The following SHANK2 variants were observed in gnomAD, a reference collection of about 807,000 sequenced individuals.
SHANK2 encodes SH3 and multiple ankyrin repeat domains protein 2.
A neutral mutation model predicts 133.7 loss-of-function variants in SHANK2; 43 were observed. The observed-to-expected ratio is 0.32, with a 90% CI of 0.25 to 0.41. The LOEUF (loss-of-function observed/expected upper bound fraction) is 0.41, where lower values mean the gene tolerates loss of function less well. SHANK2 is among the 10% of genes least tolerant of loss of function. The probability of loss-of-function intolerance (pLI) is 1.00; values close to 1 mark genes in which losing one functional copy is unlikely to be tolerated. For missense variants in SHANK2, 1,994 were observed against 2,235.8 expected, an observed-to-expected ratio of 0.89 and a Z score of 2.18; for synonymous variants, 1,017 against 952.8, an observed-to-expected ratio of 1.07 and a Z score of -1.24.
In SHANK2 at chr11:71,224,815, A is replaced by G. The variant is rs1954614279; in HGVS notation, c.-112-19T>C. On this transcript the variant is annotated intron_variant, in intron 1 of 25. Coordinates refer to ENST00000601538, the MANE Select transcript of SHANK2 (RefSeq NM_012309.5). ...TCCAGACCTGTGGAGAGATAATGAG[A>G]CCGGGGCATGGTCAGACACAGACTG... is the stretch of plus-strand genomic sequence containing the variant. 2 of 152,162 alleles carry G rather than the reference A, an allele frequency of 1.3e-5. No individual in the cohort carries two copies. The highest frequency in any genetic ancestry group is 1.3e-4 in the Admixed American group (2 of 15,264). The allele number at this position is 152,162 out of a possible 1,614,324, so 9.4% of individuals were successfully genotyped here.
At chr11:70,903,413 A>AATAAC (rs1424280760) in intron 10 of SHANK2, among the ~76,000 whole-genome samples, 4 of 145,584 alleles carry the variant, frequency 2.7e-5, no homozygotes, top group Admixed American at 2.7e-4. Context: ...AATAAAATAA[A>AATAAC]ATAAAATAAA....
rs1278770888 is a variant in SHANK2 at position 71,086,330 on chromosome 11, A to G, written c.912+6092T>C. On this transcript the variant is annotated intron_variant, in intron 8 of 25. Transcript: ENST00000601538. ...TAAGATATAGTATATGTTATATTAT[A>G]TATGTTATATAAGATATAGTATATG... Among the ~76,000 whole-genome samples the G allele has an allele frequency of 1.3e-3, 155 of 120,890 alleles. 1 individual carries two copies. The highest frequency in any genetic ancestry group is 5.1e-3 in the African/African-American group (151 of 29,628). The allele number at this position is 120,890 out of a possible 152,430, so 79.3% of individuals were successfully genotyped here. A position where few individuals can be genotyped will look rare whatever the true frequency, so the allele number is the denominator to read the frequency against.
At chr11:71,136,923 C>A (rs11232209) in intron 3 of SHANK2, among the ~76,000 whole-genome samples, 1 of 152,180 alleles carries the variant, frequency 6.6e-6, no homozygotes, top group South Asian at 2.1e-4. Flanking sequence ...AGTGCAGTGG[C>A]GCGATCTCCA....
chr11:70,927,423 C>G (rs1305386387), intron 10 of SHANK2, among the ~76,000 whole-genome samples: 1 of 152,056 alleles, frequency 6.6e-6, no homozygotes, highest in Non-Finnish European at 1.5e-5. Context: ...ACAGGAGACT[C>G]AGCTTGTTCT....
In SHANK2 at chr11:70,643,929, AAC is replaced by A. The variant is rs782649796; in HGVS notation, c.2061+15897_2061+15898del. Among the ~76,000 whole-genome samples, 19 of 151,450 alleles carry A rather than the reference AAC, an allele frequency of 1.3e-4. No homozygotes were observed. In the South Asian group the frequency reaches 3.6e-3, roughly 29 times the overall value. The stretch of plus-strand genomic sequence containing the variant: ...GGACTGCAGGTGGAGGGGGGGGAGG[AAC>A]ACAGAGGGGCAGAGGAGATCTGGGG... On this transcript the variant is annotated intron_variant, in intron 17 of 25. Transcript: ENST00000601538.
intron 12 of SHANK2, among the ~76,000 whole-genome samples, chr11:70,812,863 A>G (rs1409770993): frequency 6.6e-6 from 1 of 152,176 alleles, no homozygotes; most frequent in Admixed American, 6.5e-5. Flanking sequence ...TTGTTTTGGT[A>G]TAAGGGCCAA....
chr11:70,617,035 CTA>C (rs1416942681), intron 17 of SHANK2, among the ~76,000 whole-genome samples: 3 of 151,248 alleles, frequency 2.0e-5, no homozygotes, highest in Admixed American at 6.6e-5. Flanking sequence ...GCGTGTGTGT[CTA>C]TGAGTGTGTG....
chr11:71,233,896 A>G (rs1555123312), intron 1 of SHANK2, among the ~76,000 whole-genome samples: 1 of 151,572 alleles, frequency 6.6e-6, no homozygotes, highest in Non-Finnish European at 1.5e-5. Flanking sequence ...AAAGTACAAA[A>G]ATTAACTGGG....
chr11:71,095,130 C>T (rs1951583942), intron 6 of SHANK2, among the ~76,000 whole-genome samples: 1 of 152,234 alleles, frequency 6.6e-6, no homozygotes, highest in Non-Finnish European at 1.5e-5. Context: ...TGGGAGATGC[C>T]AGCCATGGGC....
Position 70,468,421 on chromosome 11 carries a change from G to A in SHANK2, c.*4448C>T, listed in dbSNP as rs925547270. On this transcript the variant is annotated 3_prime_UTR_variant, in exon 26 of 26. Coordinates refer to ENST00000601538, the MANE Select transcript of SHANK2 (RefSeq NM_012309.5). ...AATTCTCTGATTCCCCACAAAGCAC[G>A]GGCAGTCCTGTCTGCATGCAGCTGC... The A allele has an allele frequency of 6.6e-6, 1 of 152,208 alleles. No homozygotes were observed. The highest frequency in any genetic ancestry group is 1.5e-5 in the Non-Finnish European group (1 of 68,046). 9.4% of individuals were successfully genotyped at this position (152,208 alleles called of 1,614,324 possible). A position where few individuals can be genotyped will look rare whatever the true frequency, so the allele number is the denominator to read the frequency against.
At chr11:71,192,889 A>T (rs1188040462) in intron 2 of SHANK2, among the ~76,000 whole-genome samples, 1 of 152,190 alleles carries the variant, frequency 6.6e-6, no homozygotes, top group African/African-American at 2.4e-5. Flanking sequence ...GTGCTTGAGG[A>T]AAAGATGAAG....
chr11:71,198,359 T>C (rs1565509199), intron 2 of SHANK2, among the ~76,000 whole-genome samples: 1 of 152,122 alleles, frequency 6.6e-6, no homozygotes, highest in African/African-American at 2.4e-5. Context: ...GTGGGGAGTT[T>C]GGAGGGGCCG....
At chr11:70,864,762 G>A (rs1219024323) in intron 11 of SHANK2, 3 of 152,326 alleles carry the variant, frequency 2.0e-5, no homozygotes, top group African/African-American at 7.2e-5. Flanking sequence ...ATGGTGGTGT[G>A]AACCTGCAAT....
chr11:70,576,663 C>G (rs1227946065), intron 17 of SHANK2, among the ~76,000 whole-genome samples: 4 of 152,030 alleles, frequency 2.6e-5, no homozygotes, highest in African/African-American at 9.7e-5. Flanking sequence ...AACAAAAAAC[C>G]CCACACTCCC....
chr11:71,196,110 G>A (rs1254551952), intron 2 of SHANK2, among the ~76,000 whole-genome samples: 2 of 152,066 alleles, frequency 1.3e-5, no homozygotes, highest in African/African-American at 4.8e-5. Context: ...TTGAGCCCAG[G>A]AGTTTGAGTC....
At chr11:71,097,332 G>C (rs1224130954) in intron 6 of SHANK2, among the ~76,000 whole-genome samples, 1 of 152,064 alleles carries the variant, frequency 6.6e-6, no homozygotes, top group Non-Finnish European at 1.5e-5. Context: ...ACCGGTGACA[G>C]ATATAACAGC....
intron 17 of SHANK2, 35 bp downstream of exon 17, chr11:70,659,793 C>A: frequency 1.2e-6 from 2 of 1,613,948 alleles, no homozygotes; most frequent in South Asian, 2.2e-5. Context: ...CGGCGCTCTC[C>A]CCAAGCAGAA....
chr11:70,597,114 CAG>C (rs1386970015), intron 17 of SHANK2, among the ~76,000 whole-genome samples: 1 of 152,104 alleles, frequency 6.6e-6, no homozygotes, highest in African/African-American at 2.4e-5. Context: ...CCTCCAGACT[CAG>C]GGGCGCAGCA....
intron 17 of SHANK2, among the ~76,000 whole-genome samples, chr11:70,515,196 A>G (rs1213488747): frequency 1.3e-5 from 2 of 152,092 alleles, no homozygotes; most frequent in East Asian, 1.9e-4. Context: ...GCATGTCACT[A>G]TGCCTAATGA....
Sources: allele counts gnomAD v4.1 joint callset (sites outside exome capture counted in the v4.1 genomes callset), GRCh38; gene constraint gnomAD v4.1.1; transcripts MANE v1.5; gene names NCBI Gene and HGNC (gene_info 2026-07-23, HGNC 2026-07-21).